SPATA13: variants seen among roughly 807,000 people sequenced by gnomAD.
The protein encoded by SPATA13 is spermatogenesis-associated protein 13.
Under a neutral mutation model 104.0 loss-of-function variants are expected in SPATA13, and 50 were observed. That is an observed-to-expected ratio of 0.48 (90% CI 0.38 to 0.61). The LOEUF is 0.61. SPATA13 is among the 20% of genes least tolerant of loss of function. The pLI is 0.00. For synonymous variants in SPATA13, 606 were observed against 667.5 expected (o/e 0.91, Z 1.42); for missense variants, 1,524 against 1,690.6 (o/e 0.90, Z 1.73).
intron 4 of SPATA13, among the ~76,000 whole-genome samples, chr13:24,269,337 T>A (rs148893643): frequency 7.7e-4 from 118 of 152,272 alleles, no homozygotes; most frequent in Non-Finnish European, 1.3e-3. Context: ...TTTTACTAAT[T>A]GGCACTATCA....
rs73465841 is a variant in SPATA13 at position 24,250,188 on chromosome 13, T to A, written c.2019+346T>A. Among the ~76,000 whole-genome samples, 1,484 of 152,314 alleles carry A rather than the reference T, an allele frequency of 9.7e-3. 32 individuals are homozygous for A. The highest frequency in any genetic ancestry group is 0.034 in the African/African-American group (1,429 of 41,552). ...AAGTAATTGTTGAAAAAGACAGTAT[T>A]GTTCATTGTTAAAATGTAAAGATAA... On this transcript the variant is annotated intron_variant, in intron 3 of 12. Coordinates refer to ENST00000382108, the MANE Select transcript of SPATA13 (RefSeq NM_001166271.3).
rs1355322177 is a variant in SPATA13 at position 24,304,530 on chromosome 13, T to C, written c.*1757T>C. ...TGATGTCAGAGACAAAGGTGTATTC[T>C]TCAGTCTGCAGGTGTGTGGCACCTC... On this transcript the variant is annotated 3_prime_UTR_variant, in exon 13 of 13. Coordinates refer to ENST00000382108, the MANE Select transcript of SPATA13 (RefSeq NM_001166271.3). 4 of 152,214 alleles carry C rather than the reference T, an allele frequency of 2.6e-5. No individual in the cohort carries two copies. The highest frequency in any genetic ancestry group is 1.3e-4 in the Admixed American group (2 of 15,280). 9.4% of individuals were successfully genotyped at this position (152,214 alleles called of 1,614,324 possible).
Position 24,286,697 on chromosome 13 carries a change from T to G in SPATA13, c.2482-68T>G. 1 of 1,445,596 alleles carries G rather than the reference T, an allele frequency of 6.9e-7. No individual in the cohort carries two copies. The highest frequency in any genetic ancestry group is 9.4e-7 in the Non-Finnish European group (1 of 1,058,848). 89.5% of individuals were successfully genotyped at this position (1,445,596 alleles called of 1,614,324 possible). A position where few individuals can be genotyped will look rare whatever the true frequency, so the allele number is the denominator to read the frequency against. ...CACAGGAAAGTAGGAACCTGGGAGG[T>G]CTCCTGCCTCTGCTCCATGCTGCCC... On this transcript the variant is annotated intron_variant, in intron 6 of 12. Coordinates refer to ENST00000382108, the MANE Select transcript of SPATA13 (RefSeq NM_001166271.3). This position sits in a 1 kb window ranked among gnomAD's most constrained non-coding sequence, Gnocchi z 4.9.
chr13:23,986,477 G>A (rs1314750830), intron 2 of SPATA13, among the ~76,000 whole-genome samples: 2 of 152,134 alleles, frequency 1.3e-5, no homozygotes, highest in African/African-American at 2.4e-5. Context: ...CTAAAAACCA[G>A]CCTAAAATGG....
At chr13:24,182,803 G>T (rs926335554) in intron 1 of SPATA13, among the ~76,000 whole-genome samples, 9 of 152,012 alleles carry the variant, frequency 5.9e-5, no homozygotes, top group Admixed American at 3.9e-4. Flanking sequence ...AATATATTTG[G>T]CTGTGCAGAT....
At chr13:24,186,678 A>G (rs866218966) in intron 1 of SPATA13, among the ~76,000 whole-genome samples, 12 of 152,304 alleles carry the variant, frequency 7.9e-5, no homozygotes, top group Middle Eastern at 3.4e-3. Flanking sequence ...AAAGCATAAC[A>G]TTGTTACGGG....
rs545975844 is a variant in SPATA13, at chr13:24,230,313, T to C, written c.1653+5731T>C. ...TTCAGAGCCTAGCTGGTGAGAGGAATGTGTGCAGGTCATTATGATGTAGTG... is the reference window on the plus strand; with the variant it reads ...TTCAGAGCCTAGCTGGTGAGAGGAACGTGTGCAGGTCATTATGATGTAGTG... On this transcript the variant is annotated intron_variant, in intron 2 of 12. Coordinates refer to ENST00000382108, the MANE Select transcript of SPATA13 (RefSeq NM_001166271.3). Among the ~76,000 whole-genome samples, 161 of 152,234 alleles carry C rather than the reference T, an allele frequency of 1.1e-3. 2 individuals are homozygous for C. The highest frequency in any genetic ancestry group is 1.5e-3 in the Non-Finnish European group (101 of 68,016).
intron 3 of SPATA13, among the ~76,000 whole-genome samples, chr13:24,133,539 G>C (rs1304912570): frequency 6.6e-6 from 1 of 152,044 alleles, no homozygotes; most frequent in Non-Finnish European, 1.5e-5. Context: ...TGAAGATGAG[G>C]GAAAAAAAGC....
intron 2 of SPATA13, among the ~76,000 whole-genome samples, chr13:24,244,603 T>C (rs1873017783): frequency 6.6e-6 from 1 of 152,244 alleles, no homozygotes; most frequent in South Asian, 2.1e-4. Flanking sequence ...TTCACACCTG[T>C]AATCTGAGCC....
chr13:24,091,618 T>G (rs1201247117), intron 3 of SPATA13, among the ~76,000 whole-genome samples: 4 of 152,152 alleles, frequency 2.6e-5, no homozygotes, highest in African/African-American at 9.7e-5. Flanking sequence ...TGAGACCAGT[T>G]TGGCCAACAT....
intron 1 of SPATA13, among the ~76,000 whole-genome samples, chr13:23,981,447 T>A (rs192820604): frequency 4.6e-5 from 7 of 152,202 alleles, no homozygotes; most frequent in African/African-American, 1.7e-4. Flanking sequence ...AGCAGAGAGA[T>A]AAGTGGTGAG....
intron 2 of SPATA13, among the ~76,000 whole-genome samples, chr13:24,006,201 T>A (rs1876219465): frequency 1.3e-5 from 2 of 152,356 alleles, no homozygotes; most frequent in South Asian, 4.1e-4. Flanking sequence ...AGGGTAAGTC[T>A]AAATGTCAGT....
Position 24,071,534 on chromosome 13 carries a change from G to A in SPATA13, c.-112+53833G>A, listed in dbSNP as rs118155861. ...AGTACCTCACCCTGTATCCTCAATC[G>A]CTTCTGTCTGGTGGAACTAGGGAAA... is the stretch of plus-strand genomic sequence containing the variant. On this transcript the variant is annotated intron_variant, in intron 3 of 14. Transcript: ENST00000424834. Among the ~76,000 whole-genome samples the A allele has an allele frequency of 2.2e-4, 34 of 152,238 alleles. No individual in the cohort carries two copies. In the East Asian group the frequency reaches 5.4e-3, roughly 24 times the overall value.
intron 3 of SPATA13, among the ~76,000 whole-genome samples, chr13:24,062,923 G>C (rs1878824252): frequency 6.6e-6 from 1 of 152,162 alleles, no homozygotes; most frequent in Non-Finnish European, 1.5e-5. Flanking sequence ...TCATGATCCT[G>C]CCATCTGACA....
intron 3 of SPATA13, among the ~76,000 whole-genome samples, chr13:24,142,379 T>G (rs1477557478): frequency 6.6e-6 from 1 of 152,212 alleles, no homozygotes; most frequent in Non-Finnish European, 1.5e-5. Context: ...TAAACTGTTT[T>G]CTCCAAATGT....
chr13:24,303,871 A>C lies in SPATA13; in HGVS notation c.*1098A>C, dbSNP rs1369112033. The C allele has an allele frequency of 2.0e-5, 3 of 152,264 alleles. No homozygotes were observed. Among genetic ancestry groups the C allele is most frequent in the Admixed American group, 2.0e-4 (3 of 15,284 alleles). 9.4% of individuals were successfully genotyped at this position (152,264 alleles called of 1,614,324 possible). A position where few individuals can be genotyped will look rare whatever the true frequency, so the allele number is the denominator to read the frequency against. ...CAGTGAGCTGAGATCGCACCACTGC[A>C]CTCCAGCCTGGGAGATACAGCGAGA... is the stretch of plus-strand genomic sequence containing the variant. On this transcript the variant is annotated 3_prime_UTR_variant, in exon 13 of 13. Transcript: ENST00000382108.
intron 4 of SPATA13, among the ~76,000 whole-genome samples, chr13:24,266,897 T>G (rs1176092153): frequency 6.6e-6 from 1 of 152,072 alleles, no homozygotes; most frequent in Non-Finnish European, 1.5e-5. Flanking sequence ...TCTCAAGTGA[T>G]CCTTCCTCCT....
At chr13:24,047,822 G>A (rs1257270479) in intron 3 of SPATA13, among the ~76,000 whole-genome samples, 1 of 152,216 alleles carries the variant, frequency 6.6e-6, no homozygotes, top group Non-Finnish European at 1.5e-5. Flanking sequence ...GATCATGGAG[G>A]CTGAGAAGCA....
Position 24,302,724 on chromosome 13 carries a change from C to T in SPATA13, c.3785C>T (p.Ser1262Phe), listed in dbSNP as rs2138782932. The T allele has an allele frequency of 1.2e-6, 2 of 1,614,140 alleles. No individual in the cohort carries two copies. Among genetic ancestry groups the T allele is most frequent in the East Asian group, 2.2e-5 (1 of 44,868 alleles). ...GGCCTGGCGGAACCCAAGAGGAAGT[C>T]CTCGCTCTTCTGGCACACCTTCAAC... is the stretch of plus-strand genomic sequence containing the variant. ...VFGLAEPKRK[S>F]SLFWHTFNRL... The change falls in exon 13 of 13, where the codon TCC (serine) becomes TTC (phenylalanine). Residue 1262 changes from serine to phenylalanine, a missense_variant. Coordinates refer to ENST00000382108, the MANE Select transcript of SPATA13 (RefSeq NM_001166271.3).
Sources: allele counts gnomAD v4.1 joint callset (sites outside exome capture counted in the v4.1 genomes callset), GRCh38; gene constraint gnomAD v4.1.1; non-coding constraint Gnocchi (gnomAD v3.1); transcripts MANE v1.5; gene names NCBI Gene and HGNC (gene_info 2026-07-23, HGNC 2026-07-21).